TGFBR3: variants seen among roughly 807,000 people sequenced by gnomAD.
TGFBR3 encodes transforming growth factor beta receptor 3.
A neutral mutation model predicts 87.9 loss-of-function variants in TGFBR3; 46 were observed. The observed-to-expected ratio is 0.52, with a 90% CI of 0.41 to 0.67. The LOEUF (loss-of-function observed/expected upper bound fraction) is 0.67. Ranked by LOEUF, TGFBR3 falls within the 30% of genes least tolerant of loss-of-function variation. TGFBR3 has a pLI of 0.00. For missense variants in TGFBR3, 866 were observed against 1,041.9 expected (o/e 0.83, Z 2.32); for synonymous variants, 381 against 391.6 (o/e 0.97, Z 0.32).
chr1:91,800,244 AT>A (rs1675554076), intron 2 of TGFBR3, among the ~76,000 whole-genome samples: 3 of 73,558 alleles, frequency 4.1e-5, no homozygotes, highest in Admixed American at 1.6e-4. Flanking sequence ...AAAAAAAAAT[AT>A]ATATATATAT....
chr1:91,692,976 C>A (rs1021778745), intron 16 of TGFBR3, among the ~76,000 whole-genome samples: 3 of 152,184 alleles, frequency 2.0e-5, no homozygotes, highest in African/African-American at 7.2e-5. Flanking sequence ...TCTGTGAGTT[C>A]CACAGCTTCA....
rs963224592 is a variant in TGFBR3 at position 91,685,409 on chromosome 1, A to AC, written c.2438-1553dup. On this transcript the variant is annotated intron_variant, in intron 16 of 16. Transcript: ENST00000212355. The stretch of plus-strand genomic sequence containing the variant: ...ATGATCTTGGCTCACTGCAACCTCC[A>AC]CCCCCCGGGTTCAAGCAATTCTCCT... Among the ~76,000 whole-genome samples the AC allele has an allele frequency of 3.8e-5, 5 of 130,260 alleles. No individual in the cohort carries two copies. In the East Asian group the frequency reaches 1.2e-3, roughly 31 times the overall value. 85.5% of individuals were successfully genotyped at this position (130,260 alleles called of 152,430 possible).
At position 91,717,659 on chromosome 1, in the gene TGFBR3, T is replaced by C. The variant is rs372907227; in HGVS notation, c.1567-951A>G. ...TAATTGGTGAGAACAGCTAAAACAG[T>C]CTCCAAAGGGAGTAGGATGGGAAGA... is the stretch of plus-strand genomic sequence containing the variant. On this transcript the variant is annotated intron_variant, in intron 10 of 16. Transcript: ENST00000212355. Among the ~76,000 whole-genome samples, 28 of 144,986 alleles carry C rather than the reference T, an allele frequency of 1.9e-4. 2 individuals are homozygous for C. The highest frequency in any genetic ancestry group is 6.4e-4 in the African/African-American group (25 of 39,250).
chr1:91,898,947 G>A (rs1220400039), intron 2 of TGFBR3, among the ~76,000 whole-genome samples: 1 of 152,108 alleles, frequency 6.6e-6, no homozygotes, highest in African/African-American at 2.4e-5. Flanking sequence ...TTGCCTTAAA[G>A]GTGGGAAAGT....
At chr1:91,705,378 G>A (rs1345337397) in intron 14 of TGFBR3, among the ~76,000 whole-genome samples, 1 of 151,636 alleles carries the variant, frequency 6.6e-6, no homozygotes, top group African/African-American at 2.4e-5. Flanking sequence ...CGTGTGCCAT[G>A]ACGCCTGGCT....
At chr1:91,719,767 T>G in intron 9 of TGFBR3, 126 bp downstream of exon 9, 5 of 1,112,554 alleles carry the variant, frequency 4.5e-6, no homozygotes, top group Non-Finnish European at 6.7e-6. Context: ...CCCATCCAAC[T>G]GAGAAAACAG....
At chr1:91,742,096 C>G (rs1673179646) in intron 4 of TGFBR3, among the ~76,000 whole-genome samples, 1 of 152,162 alleles carries the variant, frequency 6.6e-6, no homozygotes, top group Non-Finnish European at 1.5e-5. Flanking sequence ...GTCTATCCTA[C>G]CTTGCTCCCA....
intron 2 of TGFBR3, among the ~76,000 whole-genome samples, chr1:91,820,423 C>A (rs1571543248): frequency 6.6e-6 from 1 of 152,054 alleles, no homozygotes; most frequent in South Asian, 2.1e-4. Context: ...GTGGCTCACA[C>A]CTGTAATCCC....
At chr1:91,855,866 T>C (rs995255037) in intron 2 of TGFBR3, among the ~76,000 whole-genome samples, 10 of 152,126 alleles carry the variant, frequency 6.6e-5, no homozygotes, top group African/African-American at 2.4e-4. Flanking sequence ...TTTTTTTCTT[T>C]TTTGTTTTTA....
chr1:91,890,810 G>T (rs1679427593), upstream of TGFBR3, among the ~76,000 whole-genome samples: 1 of 152,148 alleles, frequency 6.6e-6, no homozygotes, highest in African/African-American at 2.4e-5. Context: ...GAGTCAGGTG[G>T]CCTGGCTACA....
intron 3 of TGFBR3, among the ~76,000 whole-genome samples, chr1:91,795,161 A>T (rs1448847462): frequency 1.3e-5 from 2 of 152,212 alleles, no homozygotes; most frequent in Non-Finnish European, 2.9e-5. Context: ...ATCTCCAAAA[A>T]TCAGTTATCC....
At position 91,895,464 on chromosome 1, in the gene TGFBR3, T is replaced by A. The variant is rs370143749; in HGVS notation, c.-114+4173A>T. On this transcript the variant is annotated intron_variant, in intron 2 of 17. Transcript: ENST00000370399. ...CATGAGCCAATTAAACCTCTTTTCT[T>A]ATAAATTACCCAGTATCAGGTATTT... Among the ~76,000 whole-genome samples the A allele has an allele frequency of 6.4e-4, 97 of 152,264 alleles. 2 individuals carry two copies. The South Asian group carries it at 0.014, about 22-fold the overall frequency.
intron 12 of TGFBR3, 106 bp downstream of exon 12, chr1:91,716,130 T>A (rs1283810825): frequency 1.4e-6 from 2 of 1,383,688 alleles, no homozygotes; most frequent in East Asian, 2.3e-5. Flanking sequence ...GTTGAAGGTC[T>A]GTGAGGTAGG....
At chr1:91,873,716 G>C (rs1187932411) in intron 1 of TGFBR3, among the ~76,000 whole-genome samples, 1 of 152,188 alleles carries the variant, frequency 6.6e-6, no homozygotes, top group Non-Finnish European at 1.5e-5. Context: ...GGAGGCCAAG[G>C]CGGGTGGATC....
At chr1:91,819,360 T>G (rs1372727782) in intron 2 of TGFBR3, among the ~76,000 whole-genome samples, 2 of 141,212 alleles carry the variant, frequency 1.4e-5, no homozygotes, top group African/African-American at 5.1e-5. Context: ...AGAGCAAGAC[T>G]CCGTCTGGGA....
intron 1 of TGFBR3, among the ~76,000 whole-genome samples, chr1:91,875,285 C>A (rs1678738225): frequency 6.6e-6 from 1 of 152,082 alleles, no homozygotes; most frequent in South Asian, 2.1e-4. Context: ...TAAGCAGGAA[C>A]CCCCATAGAG....
At chr1:91,764,091 A>C (rs370098825) in intron 3 of TGFBR3, among the ~76,000 whole-genome samples, 13 of 151,452 alleles carry the variant, frequency 8.6e-5, no homozygotes, top group Admixed American at 2.6e-4. Flanking sequence ...ATTCCCCCCC[A>C]CACACACCCA....
At chr1:91,697,059 G>T (rs1047155917) in intron 15 of TGFBR3, among the ~76,000 whole-genome samples, 3 of 152,180 alleles carry the variant, frequency 2.0e-5, no homozygotes, top group Non-Finnish European at 2.9e-5. Flanking sequence ...GGAGGAAGAG[G>T]TGGGAAGAGC....
chr1:91,701,995 T>C (rs1453211786), intron 14 of TGFBR3, among the ~76,000 whole-genome samples: 1 of 152,188 alleles, frequency 6.6e-6, no homozygotes, highest in Non-Finnish European at 1.5e-5. Flanking sequence ...TGGTGGGTGA[T>C]TTTTATTCCA....
Sources: gnomAD v4.1 joint callset for allele counts (sites outside exome capture counted in the v4.1 genomes callset) on GRCh38, gnomAD v4.1.1 for gene constraint, MANE v1.5 for transcripts, NCBI Gene and HGNC (gene_info 2026-07-23, HGNC 2026-07-21) for gene names.